Variants in SUPT3H observed in about 807,000 individuals in gnomAD.
The protein encoded by SUPT3H is transcription initiation protein SPT3 homolog.
Under a neutral mutation model 44.3 loss-of-function variants are expected in SUPT3H, and 44 were observed. The observed-to-expected ratio is 0.99, with a 90% CI of 0.78 to 1.28. The LOEUF is 1.28. SUPT3H is among the 50% of genes most tolerant of loss of function. SUPT3H has a pLI of 0.00. For synonymous variants in SUPT3H, 124 were observed against 125.6 expected, an observed-to-expected ratio of 0.99 and a Z score of 0.09; for missense variants, 380 against 387.1, an observed-to-expected ratio of 0.98 and a Z score of 0.15.
chr6:45,253,304 G>C (rs1282403736), intron 2 of SUPT3H, among the ~76,000 whole-genome samples: 1 of 152,190 alleles, frequency 6.6e-6, no homozygotes, highest in African/African-American at 2.4e-5. Context: ...TAGTCTGCCT[G>C]AAGTAAGGGC....
intron 10 of SUPT3H, among the ~76,000 whole-genome samples, chr6:44,843,716 A>T (rs1771366346): frequency 6.6e-6 from 1 of 152,134 alleles, no homozygotes. Flanking sequence ...CAGAGGAAAA[A>T]TTTTAAATAT....
chr6:45,076,938 G>A (rs1308205196), intron 3 of SUPT3H, among the ~76,000 whole-genome samples: 3 of 152,078 alleles, frequency 2.0e-5, no homozygotes, highest in African/African-American at 2.4e-5. Flanking sequence ...AATTTCTACC[G>A]AATATGGTTT....
intron 2 of SUPT3H, among the ~76,000 whole-genome samples, chr6:45,331,381 A>C (rs1310184142): frequency 2.0e-5 from 3 of 152,004 alleles, no homozygotes; most frequent in Non-Finnish European, 4.4e-5. Flanking sequence ...ATGTGTGAAC[A>C]CTGATTTCCA....
At chr6:45,081,799 TA>T (rs574529029) in intron 3 of SUPT3H, among the ~76,000 whole-genome samples, 279 of 152,214 alleles carry the variant, frequency 1.8e-3, no homozygotes, top group African/African-American at 6.5e-3. Flanking sequence ...TTGGGCCTGA[TA>T]AAATATTGAC....
chr6:45,328,717 A>T, intron 2 of SUPT3H: 1 of 1,598,776 alleles, frequency 6.3e-7, no homozygotes, highest in Non-Finnish European at 8.6e-7. Context: ...TGAAAAAAAA[A>T]GGAGGGACTA....
chr6:45,187,101 TAAAA>T (rs70996308), intron 2 of SUPT3H, among the ~76,000 whole-genome samples: 4,221 of 79,828 alleles, frequency 0.053, 349 homozygotes, highest in African/African-American at 0.18. Flanking sequence ...TTTTCGCCTT[TAAAA>T]AAAAAAAAAA....
At chr6:45,168,658 C>A (rs1810304924) in intron 2 of SUPT3H, among the ~76,000 whole-genome samples, 1 of 152,110 alleles carries the variant, frequency 6.6e-6, no homozygotes, top group African/African-American at 2.4e-5. Context: ...AAACCCTGAG[C>A]CTAAATCTCT....
chr6:45,218,026 T>A (rs1765380484), intron 2 of SUPT3H, among the ~76,000 whole-genome samples: 1 of 151,538 alleles, frequency 6.6e-6, no homozygotes, highest in Admixed American at 6.6e-5. Flanking sequence ...CAGAAAACAA[T>A]AAATAAAATG....
chr6:45,358,682 A>T (rs1433681036), intron 2 of SUPT3H, among the ~76,000 whole-genome samples: 3 of 152,200 alleles, frequency 2.0e-5, no homozygotes, highest in African/African-American at 7.2e-5. Context: ...ACAGGTTCAC[A>T]GTCTCTTATC....
At chr6:45,124,949 T>G (rs1051794281) in intron 2 of SUPT3H, among the ~76,000 whole-genome samples, 3 of 151,956 alleles carry the variant, frequency 2.0e-5, no homozygotes, top group African/African-American at 4.8e-5. Context: ...GGGAAGGCAA[T>G]ATGAAGACGG....
At chr6:45,202,445 C>A (rs569582932) in intron 2 of SUPT3H, among the ~76,000 whole-genome samples, 1 of 151,924 alleles carries the variant, frequency 6.6e-6, no homozygotes, top group African/African-American at 2.4e-5. Flanking sequence ...AAAACTACTG[C>A]AACAAAAATT....
At chr6:45,076,676 C>T (rs182785845) in intron 3 of SUPT3H, among the ~76,000 whole-genome samples, 37 of 152,204 alleles carry the variant, frequency 2.4e-4, no homozygotes, top group East Asian at 7.7e-4. Context: ...ATTAAATTGA[C>T]GCCTTTAATC....
intron 10 of SUPT3H, among the ~76,000 whole-genome samples, chr6:44,894,427 A>C (rs975543278): frequency 6.6e-6 from 1 of 152,210 alleles, no homozygotes; most frequent in Non-Finnish European, 1.5e-5. Context: ...ATCCAGTTTC[A>C]GCTTTCTATA....
downstream of SUPT3H, among the ~76,000 whole-genome samples, chr6:44,823,898 G>A (rs1254040479): frequency 6.6e-6 from 1 of 152,190 alleles, no homozygotes; most frequent in African/African-American, 2.4e-5. Context: ...GGGAGGTGGA[G>A]GTTGCAGTGA....
chr6:44,935,412 T>G (rs140792853), intron 9 of SUPT3H, among the ~76,000 whole-genome samples: 1 of 152,210 alleles, frequency 6.6e-6, no homozygotes, highest in East Asian at 1.9e-4. Flanking sequence ...ATTATACTTA[T>G]ACATCAATTC....
chr6:45,126,136 G>A (rs1446582580), intron 2 of SUPT3H, among the ~76,000 whole-genome samples: 2 of 152,104 alleles, frequency 1.3e-5, no homozygotes, highest in African/African-American at 2.4e-5. Flanking sequence ...CTGAAAACTT[G>A]CACTAAACTC....
intron 2 of SUPT3H, among the ~76,000 whole-genome samples, chr6:45,139,531 T>A (rs1027826781): frequency 1.4e-5 from 2 of 146,838 alleles, no homozygotes; most frequent in African/African-American, 5.2e-5. Context: ...AATGGCACAC[T>A]GCTGCAGATT....
At chr6:45,170,405 TC>T (rs1810578846) in intron 2 of SUPT3H, among the ~76,000 whole-genome samples, 1 of 152,230 alleles carries the variant, frequency 6.6e-6, no homozygotes, top group African/African-American at 2.4e-5. Flanking sequence ...AAAGAGCATA[TC>T]CCCACACTCC....
intron 5 of SUPT3H, among the ~76,000 whole-genome samples, chr6:45,011,519 C>T (rs932152926): frequency 6.6e-6 from 1 of 151,970 alleles, no homozygotes; most frequent in East Asian, 1.9e-4. Flanking sequence ...TTTCCTTACC[C>T]CAGTACAGCA....
Sources: allele counts gnomAD v4.1 joint callset (sites outside exome capture counted in the v4.1 genomes callset), GRCh38; gene constraint gnomAD v4.1.1; transcripts MANE v1.5; gene names NCBI Gene and HGNC (gene_info 2026-07-23, HGNC 2026-07-21).